Variants in FRMD5 observed in about 807,000 individuals in gnomAD.
FRMD5 encodes the protein FERM domain containing 5.
A neutral mutation model predicts 69.0 loss-of-function variants in FRMD5; 20 were observed. The ratio of observed to expected loss-of-function variants is 0.29; its 90% confidence interval spans 0.20 to 0.42. FRMD5 has a LOEUF of 0.42. Ranked by LOEUF, FRMD5 falls within the 10% of genes least tolerant of loss-of-function variation. The probability of loss-of-function intolerance (pLI) is 1.00; values close to 1 mark genes in which losing one functional copy is unlikely to be tolerated. For missense variants in FRMD5, 595 were observed against 708.6 expected (o/e 0.84, Z 1.82); for synonymous variants, 271 against 260.1 (o/e 1.04, Z -0.40).
chr15:43,959,114 ATTT>A (rs2090158704), intron 1 of FRMD5, among the ~76,000 whole-genome samples: 1 of 152,272 alleles, frequency 6.6e-6, no homozygotes, highest in South Asian at 2.1e-4. Context: ...GTGAATAATT[ATTT>A]AAGAAGTCTC....
At chr15:44,167,970 T>C (rs1346063317) in intron 1 of FRMD5, among the ~76,000 whole-genome samples, 2 of 152,244 alleles carry the variant, frequency 1.3e-5, no homozygotes, top group Non-Finnish European at 2.9e-5. Context: ...CGCTCCTATT[T>C]GTTCTGTTCT....
In FRMD5 at chr15:44,047,637, T is replaced by C. The variant is rs529228971; in HGVS notation, c.103-123328A>G. 2.6e-5 allele frequency among the ~76,000 whole-genome samples: 4 copies of C among 152,360 alleles called. No individual in the cohort carries two copies. In the East Asian group the frequency reaches 5.8e-4, roughly 22 times the overall value. On this transcript the variant is annotated intron_variant, in intron 1 of 13. Coordinates refer to ENST00000417257, the MANE Select transcript of FRMD5 (RefSeq NM_032892.5). ...GGGCACAATTCAGTGATTTTTGATATGTTTACAACAATCTAATTTTAGAAT... is the reference window on the plus strand; with the variant it reads ...GGGCACAATTCAGTGATTTTTGATACGTTTACAACAATCTAATTTTAGAAT...
intron 8 of FRMD5, among the ~76,000 whole-genome samples, chr15:43,889,811 A>G (rs1467172346): frequency 6.6e-6 from 1 of 152,090 alleles, no homozygotes; most frequent in Non-Finnish European, 1.5e-5. Context: ...ATGTCACTGG[A>G]GGCCCCATTT....
intron 1 of FRMD5, among the ~76,000 whole-genome samples, chr15:43,986,377 A>T (rs2140641225): frequency 6.6e-6 from 1 of 152,342 alleles, no homozygotes; most frequent in East Asian, 1.9e-4. Context: ...TTATAGAAGA[A>T]ATAGCTAACT....
At chr15:43,985,104 C>A (rs1889326834) in intron 1 of FRMD5, among the ~76,000 whole-genome samples, 1 of 151,296 alleles carries the variant, frequency 6.6e-6, no homozygotes. Context: ...CATGGTGAAA[C>A]CCCATCTCTA....
chr15:43,961,809 G>T (rs2140542976), intron 1 of FRMD5, among the ~76,000 whole-genome samples: 1 of 152,230 alleles, frequency 6.6e-6, no homozygotes, highest in South Asian at 2.1e-4. Context: ...AAAACCACAT[G>T]ATTATCTCAA....
intron 7 of FRMD5, among the ~76,000 whole-genome samples, chr15:43,899,715 T>C (rs2088998665): frequency 6.6e-6 from 1 of 152,160 alleles, no homozygotes; most frequent in South Asian, 2.1e-4. Context: ...AGTGACTGGG[T>C]GGCAACAGTG....
At chr15:44,176,896 G>T (rs2077905783) in intron 1 of FRMD5, among the ~76,000 whole-genome samples, 1 of 150,728 alleles carries the variant, frequency 6.6e-6, no homozygotes, top group Non-Finnish European at 1.5e-5. Flanking sequence ...TAACTAACCT[G>T]CACATTGTGC....
intron 1 of FRMD5, among the ~76,000 whole-genome samples, chr15:43,998,869 C>T (rs1398251890): frequency 1.3e-5 from 2 of 152,200 alleles, no homozygotes; most frequent in African/African-American, 4.8e-5. Flanking sequence ...TTCTATCCAG[C>T]TGCTCTCTAC....
At chr15:44,180,372 A>T (rs2077976406) in intron 1 of FRMD5, among the ~76,000 whole-genome samples, 1 of 152,200 alleles carries the variant, frequency 6.6e-6, no homozygotes, top group African/African-American at 2.4e-5. Context: ...TAACTCTCTA[A>T]GACACAAAAA....
chr15:43,888,380 G>A (rs2088714525), intron 9 of FRMD5, 114 bp from the exon 10 acceptor site: 1 of 693,800 alleles, frequency 1.4e-6, no homozygotes, highest in Non-Finnish European at 2.5e-6. Context: ...GCTAGTTAGA[G>A]GGGAGGGCCT....
At chr15:44,015,897 A>G (rs1890935818) in intron 1 of FRMD5, among the ~76,000 whole-genome samples, 1 of 151,692 alleles carries the variant, frequency 6.6e-6, no homozygotes, top group African/African-American at 2.4e-5. Flanking sequence ...TGAAAGGTTG[A>G]TTTATATCTG....
intron 1 of FRMD5, among the ~76,000 whole-genome samples, chr15:44,062,664 T>C (rs543244361): frequency 5.9e-4 from 79 of 134,868 alleles, no homozygotes; most frequent in Non-Finnish European, 9.6e-4. Context: ...TACCCCAGCC[T>C]GGGCAACAGA....
intron 1 of FRMD5, among the ~76,000 whole-genome samples, chr15:43,996,919 C>A (rs1430131370): frequency 6.6e-6 from 1 of 151,890 alleles, no homozygotes; most frequent in Non-Finnish European, 1.5e-5. Flanking sequence ...ACAGTGTCAA[C>A]CTTGGCTATA....
chr15:44,052,936 T>A (rs1035984123), intron 1 of FRMD5, among the ~76,000 whole-genome samples: 3 of 152,144 alleles, frequency 2.0e-5, no homozygotes, highest in African/African-American at 7.2e-5. Context: ...AGGGAGTCCA[T>A]GGTCTGGTAA....
At position 44,017,104 on chromosome 15, in the gene FRMD5, T is replaced by G. The variant is rs560606539; in HGVS notation, c.103-92795A>C. On this transcript the variant is annotated intron_variant, in intron 1 of 13. Coordinates refer to ENST00000417257, the MANE Select transcript of FRMD5 (RefSeq NM_032892.5). ...CTGTAATCCTAGCACTTTGGGAGGC[T>G]GAGGCAGGCAGATCACGAGGTCAGG... Among the ~76,000 whole-genome samples, 23 of 152,044 alleles carry G rather than the reference T, an allele frequency of 1.5e-4. No individual in the cohort carries two copies. The Middle Eastern group carries it at 0.014, about 90-fold the overall frequency.
At chr15:43,891,271 C>T (rs762770393) in intron 8 of FRMD5, among the ~76,000 whole-genome samples, 7 of 152,170 alleles carry the variant, frequency 4.6e-5, no homozygotes, top group East Asian at 1.9e-4. Context: ...GCAGAACAGA[C>T]CCCAAATAAA....
intron 1 of FRMD5, among the ~76,000 whole-genome samples, chr15:44,185,628 A>G (rs1482383336): frequency 6.6e-6 from 1 of 152,032 alleles, no homozygotes; most frequent in Non-Finnish European, 1.5e-5. Context: ...CCCCTTCTGT[A>G]CTAAAAATAC....
At chr15:44,095,747 A>G (rs2076542525) in intron 1 of FRMD5, among the ~76,000 whole-genome samples, 2 of 152,074 alleles carry the variant, frequency 1.3e-5, no homozygotes, top group Non-Finnish European at 2.9e-5. Flanking sequence ...CCAACTGGAA[A>G]CCCACTAAGA....
Sources: gnomAD v4.1 joint callset for allele counts (sites outside exome capture counted in the v4.1 genomes callset) on GRCh38, gnomAD v4.1.1 for gene constraint, MANE v1.5 for transcripts, NCBI Gene and HGNC (gene_info 2026-07-23, HGNC 2026-07-21) for gene names.